The following BLTP1 variants were observed in gnomAD, a reference collection of about 807,000 sequenced individuals.
BLTP1 encodes the protein bridge-like lipid transfer protein family member 1, also known as fragile site-associated protein.
the BLTP1 span, chr4:122,238,128 A>G: frequency 1.2e-6 from 2 of 1,614,060 alleles, no homozygotes; most frequent in Non-Finnish European, 1.7e-6. Flanking sequence ...GAATGGGAAA[A>G]CAAATCAGTG....
At chr4:122,271,003 A>T in the BLTP1 span, 7 of 1,554,426 alleles carry the variant, frequency 4.5e-6, no homozygotes, top group Admixed American at 8.5e-5. Flanking sequence ...TCCTTTTTTT[A>T]TTTCACGTTT....
chr4:122,316,502 C>A, the BLTP1 span: 1 of 528,026 alleles, frequency 1.9e-6, no homozygotes, highest in East Asian at 5.3e-5. Context: ...TCCCCTCAGT[C>A]TAGCCAGTCC....
the BLTP1 span, chr4:122,230,152 T>C: frequency 6.2e-7 from 1 of 1,614,150 alleles, no homozygotes; most frequent in South Asian, 1.1e-5. Flanking sequence ...CTGCTGACCA[T>C]CATTCTAAAC....
At chr4:122,196,612 T>C in the BLTP1 span, 30 of 1,572,916 alleles carry the variant, frequency 1.9e-5, no homozygotes, top group Non-Finnish European at 2.6e-5. Context: ...CATGTCATTA[T>C]TCTTTCTACC....
chr4:122,246,778 T>C, the BLTP1 span: 3 of 1,613,166 alleles, frequency 1.9e-6, no homozygotes, highest in Non-Finnish European at 2.5e-6. Context: ...CATTGTGTTT[T>C]GACAGAATTG....
the BLTP1 span, among the ~76,000 whole-genome samples, chr4:122,319,769 T>TC: frequency 1.3e-5 from 2 of 151,954 alleles, no homozygotes; most frequent in Non-Finnish European, 2.9e-5. Flanking sequence ...TTGAATGTCT[T>TC]ACCTCGTGAT....
At chr4:122,300,104 G>C in the BLTP1 span, among the ~76,000 whole-genome samples, 1 of 152,042 alleles carries the variant, frequency 6.6e-6, no homozygotes, top group Non-Finnish European at 1.5e-5. Context: ...CTCCTCCTGG[G>C]TTCAAGTGAT....
the BLTP1 span, among the ~76,000 whole-genome samples, chr4:122,308,333 C>T: frequency 6.6e-6 from 1 of 152,184 alleles, no homozygotes; most frequent in Non-Finnish European, 1.5e-5. Flanking sequence ...TGTATTAAAT[C>T]TTAATCTCAT....
chr4:122,172,638 C>T, the BLTP1 span, among the ~76,000 whole-genome samples: 1 of 152,106 alleles, frequency 6.6e-6, no homozygotes, highest in Non-Finnish European at 1.5e-5. Flanking sequence ...CATTACTTTT[C>T]TTCCTTTACA....
chr4:122,172,443 T>C, the BLTP1 span: 1 of 396,820 alleles, frequency 2.5e-6, no homozygotes, highest in African/African-American at 2.2e-5. Context: ...AAAAAATAAA[T>C]TTAGAATATC....
the BLTP1 span, among the ~76,000 whole-genome samples, chr4:122,357,953 G>A: frequency 1.2e-4 from 19 of 152,288 alleles, no homozygotes; most frequent in African/African-American, 4.6e-4. Flanking sequence ...ATATTCAATT[G>A]AGATGTGCCC....
chr4:122,155,404 A>G, the BLTP1 span, among the ~76,000 whole-genome samples: 1 of 151,222 alleles, frequency 6.6e-6, no homozygotes, highest in Non-Finnish European at 1.5e-5. Flanking sequence ...TCTCACTGCA[A>G]CCTCTGCCTC....
the BLTP1 span, among the ~76,000 whole-genome samples, chr4:122,196,201 C>A: frequency 6.6e-6 from 1 of 152,126 alleles, no homozygotes; most frequent in Non-Finnish European, 1.5e-5. Context: ...TTCCATGTGT[C>A]TTACCATTTA....
the BLTP1 span, chr4:122,211,989 A>G: frequency 1.1e-6 from 1 of 901,254 alleles, no homozygotes; most frequent in Non-Finnish European, 1.3e-6. Context: ...GAAATTTTGC[A>G]TTTTTACAGG....
At chr4:122,354,051 T>G in the BLTP1 span, 3 of 1,591,448 alleles carry the variant, frequency 1.9e-6, no homozygotes, top group Non-Finnish European at 2.6e-6. Flanking sequence ...AGATTTATTT[T>G]GTTTTTTCCA....
At chr4:122,238,117 A>G in the BLTP1 span, 1 of 1,614,106 alleles carries the variant, frequency 6.2e-7, no homozygotes, top group Non-Finnish European at 8.5e-7. Context: ...TGAAGAGGAA[A>G]GAATGGGAAA....
chr4:122,306,013 T>C, the BLTP1 span: 2 of 1,610,120 alleles, frequency 1.2e-6, no homozygotes, highest in Non-Finnish European at 1.7e-6. Context: ...AATAGACCAA[T>C]TGTTTATGCA....
At chr4:122,186,291 G>T in the BLTP1 span, 2 of 1,314,694 alleles carry the variant, frequency 1.5e-6, no homozygotes, top group Non-Finnish European at 1.0e-6. Flanking sequence ...GAATATCATT[G>T]AGGCTATGCA....
the BLTP1 span, chr4:122,207,275 TA>T: frequency 6.4e-5 from 102 of 1,584,942 alleles, no homozygotes; most frequent in South Asian, 2.5e-4. Flanking sequence ...GGTAAGACAT[TA>T]AAAAAAATTA....
Sources: gnomAD v4.1 joint callset for allele counts (sites outside exome capture counted in the v4.1 genomes callset) on GRCh38, gnomAD v4.1.1 for gene constraint, MANE v1.5 for transcripts, NCBI Gene and HGNC (gene_info 2026-07-23, HGNC 2026-07-21) for gene names.